Variants in ULK4 observed in about 807,000 individuals in gnomAD.
ULK4 encodes the protein inactive serine/threonine-protein kinase ULK4.
In ULK4, 133 loss-of-function variants were observed where a neutral mutation model predicts 160.6. The observed-to-expected ratio is 0.83, with a 90% CI of 0.72 to 0.96. ULK4 has a LOEUF of 0.96. Ranked by LOEUF, ULK4 falls within the 40% of genes least tolerant of loss-of-function variation. The pLI, the probability that ULK4 is intolerant of heterozygous loss-of-function variation, is 0.00. For synonymous variants in ULK4, 534 were observed against 539.8 expected (o/e 0.99, Z 0.15); for missense variants, 1,580 against 1,499.5 (o/e 1.05, Z -0.89).
intron 30 of ULK4, among the ~76,000 whole-genome samples, chr3:41,624,330 A>G (rs2033388289): frequency 6.6e-6 from 1 of 152,248 alleles, no homozygotes; most frequent in South Asian, 2.1e-4. Flanking sequence ...CAATGAAGTC[A>G]GAAGAACATA....
chr3:41,854,043 G>C (rs957056227), intron 17 of ULK4: 1 of 152,154 alleles, frequency 6.6e-6, no homozygotes, highest in African/African-American at 2.4e-5. Flanking sequence ...TTCAGTTTCT[G>C]CCAGAGGCCA....
At chr3:41,546,245 C>T (rs1795335) in intron 32 of ULK4, among the ~76,000 whole-genome samples, 77,283 of 151,312 alleles carry the variant, frequency 0.51, 19,816 homozygotes, top group Middle Eastern at 0.57. Context: ...TTGTTCTGGG[C>T]GGCAGTTAAA....
intron 22 of ULK4, among the ~76,000 whole-genome samples, chr3:41,753,448 C>T (rs1156829074): frequency 6.6e-6 from 1 of 152,192 alleles, no homozygotes; most frequent in Non-Finnish European, 1.5e-5. Context: ...TGTCAGGTCT[C>T]CTCTGGGCTT....
chr3:41,825,148 C>A (rs916523411), intron 18 of ULK4, among the ~76,000 whole-genome samples: 1 of 152,226 alleles, frequency 6.6e-6, no homozygotes, highest in Middle Eastern at 3.4e-3. Context: ...GACATCCACA[C>A]CAAAACCCCA....
intron 19 of ULK4, among the ~76,000 whole-genome samples, chr3:41,804,046 C>A (rs1279733948): frequency 6.6e-6 from 1 of 152,058 alleles, no homozygotes; most frequent in Non-Finnish European, 1.5e-5. Context: ...TTCTAGATCG[C>A]TCAGGAATTG....
At chr3:41,304,134 G>T (rs139577495) in intron 35 of ULK4, among the ~76,000 whole-genome samples, 7 of 151,986 alleles carry the variant, frequency 4.6e-5, no homozygotes, top group African/African-American at 1.5e-4. Context: ...TTAGCCAGAC[G>T]TGGTGGTGGG....
chr3:41,510,110 T>C (rs2085519102), intron 32 of ULK4, among the ~76,000 whole-genome samples: 1 of 152,170 alleles, frequency 6.6e-6, no homozygotes, highest in South Asian at 2.1e-4. Flanking sequence ...AGAACTCACA[T>C]AAACTTAAGA....
chr3:41,489,180 C>T (rs1263669882), intron 32 of ULK4, among the ~76,000 whole-genome samples: 1 of 152,186 alleles, frequency 6.6e-6, no homozygotes, highest in Non-Finnish European at 1.5e-5. Context: ...GCCATCCTAT[C>T]CTTCTTTTAC....
chr3:41,859,394 A>G (rs544958980), intron 17 of ULK4: 6 of 566,454 alleles, frequency 1.1e-5, no homozygotes, highest in African/African-American at 9.5e-5. Flanking sequence ...TCATTTGTCA[A>G]CTGTGGTCCA....
intron 12 of ULK4, among the ~76,000 whole-genome samples, chr3:41,906,971 GAC>G (rs144917622): frequency 0.12 from 18,835 of 151,954 alleles, 1,346 homozygotes; most frequent in Middle Eastern, 0.27. Context: ...CCAGCCTGGC[GAC>G]TGAGCAAGAC....
At chr3:41,540,358 G>A (rs867746838) in intron 32 of ULK4, among the ~76,000 whole-genome samples, 1 of 152,140 alleles carries the variant, frequency 6.6e-6, no homozygotes, top group Admixed American at 6.5e-5. Flanking sequence ...CCCTCCAAAG[G>A]ACATGAACTC....
At chr3:41,818,670 C>A (rs942322348) in intron 19 of ULK4, among the ~76,000 whole-genome samples, 1 of 152,132 alleles carries the variant, frequency 6.6e-6, no homozygotes, top group Non-Finnish European at 1.5e-5. Context: ...GAACATGATT[C>A]TGTTACCATA....
At chr3:41,618,370 G>A (rs1041242460) in intron 30 of ULK4, among the ~76,000 whole-genome samples, 2 of 152,204 alleles carry the variant, frequency 1.3e-5, no homozygotes, top group African/African-American at 4.8e-5. Flanking sequence ...AAGGCAGCCA[G>A]AGAGAAAGGT....
intron 27 of ULK4, among the ~76,000 whole-genome samples, chr3:41,694,938 A>G (rs1243821346): frequency 1.3e-5 from 2 of 152,344 alleles, no homozygotes; most frequent in African/African-American, 4.8e-5. Flanking sequence ...TAGTCTACTC[A>G]GGCTGCTATA....
intron 30 of ULK4, among the ~76,000 whole-genome samples, chr3:41,627,005 G>C (rs1021541805): frequency 5.9e-5 from 9 of 152,158 alleles, no homozygotes; most frequent in Non-Finnish European, 1.3e-4. Context: ...GGAAAAGTAG[G>C]AATAAGGAGA....
At chr3:41,799,131 G>C (rs192062822) in intron 20 of ULK4, among the ~76,000 whole-genome samples, 14 of 152,254 alleles carry the variant, frequency 9.2e-5, no homozygotes, top group Admixed American at 5.2e-4. Flanking sequence ...CACAAAGTAA[G>C]AAACTGCCAC....
At chr3:41,843,122 A>T (rs557438765) in intron 17 of ULK4, among the ~76,000 whole-genome samples, 3 of 152,356 alleles carry the variant, frequency 2.0e-5, no homozygotes, top group African/African-American at 7.2e-5. Flanking sequence ...GTACTAGGTT[A>T]AAAAGTACAC....
At chr3:41,721,612 C>G in intron 22 of ULK4, among the ~76,000 whole-genome samples, 1 of 151,636 alleles carries the variant, frequency 6.6e-6, no homozygotes, top group Non-Finnish European at 1.5e-5. Context: ...GTGATCCACC[C>G]GCCTCAGCCT....
intron 16 of ULK4, among the ~76,000 whole-genome samples, chr3:41,887,681 C>A (rs1282112830): frequency 6.6e-6 from 1 of 151,806 alleles, no homozygotes; most frequent in African/African-American, 2.4e-5. Context: ...ATTAGCTGGG[C>A]GTGGTGGTGG....
Sources: gnomAD v4.1 joint callset for allele counts (sites outside exome capture counted in the v4.1 genomes callset) on GRCh38, gnomAD v4.1.1 for gene constraint, MANE v1.5 for transcripts, NCBI Gene and HGNC (gene_info 2026-07-23, HGNC 2026-07-21) for gene names.